The following SLC2A5 variants were observed in gnomAD, a reference collection of about 807,000 sequenced individuals.
SLC2A5 encodes the protein solute carrier family 2, facilitated glucose transporter member 5.
A neutral mutation model predicts 50.3 loss-of-function variants in SLC2A5; 56 were observed. The ratio of observed to expected loss-of-function variants is 1.11; its 90% CI spans 0.90 to 1.39. The LOEUF is 1.39. Ranked by LOEUF, SLC2A5 falls within the 40% of genes most tolerant of loss-of-function variation. SLC2A5 has a pLI of 0.00. For synonymous variants in SLC2A5, 269 were observed against 281.9 expected, an observed-to-expected ratio of 0.95 and a Z score of 0.46; for missense variants, 566 against 650.1, an observed-to-expected ratio of 0.87 and a Z score of 1.41.
chr1:9,094,058 A>G, the SLC2A5 span, among the ~76,000 whole-genome samples: 4 of 152,216 alleles, frequency 2.6e-5, no homozygotes, highest in African/African-American at 2.4e-5. Flanking sequence ...ACAAGCCTCA[A>G]TTTGCTTTTC....
Position 9,041,766 on chromosome 1 carries a change from C to T in SLC2A5, c.571+19G>A, listed in dbSNP as rs375043845. ...AGTGGTGAAGGGGTGGGGGTGCTCC[C>T]GAGATGTCCTGAACTCACCATCTAC... is the stretch of plus-strand genomic sequence containing the variant. On this transcript the variant is annotated intron_variant, in intron 5 of 11. Coordinates refer to ENST00000377424, the MANE Select transcript of SLC2A5 (RefSeq NM_003039.3). The T allele has an allele frequency of 9.2e-5, 148 of 1,613,862 alleles. No individual in the cohort carries two copies. The highest frequency in any genetic ancestry group is 8.2e-5 in the Non-Finnish European group (97 of 1,179,998).
At chr1:9,055,378 G>A (rs1439167094) in intron 3 of SLC2A5, among the ~76,000 whole-genome samples, 1 of 152,068 alleles carries the variant, frequency 6.6e-6, no homozygotes, top group African/African-American at 2.4e-5. Flanking sequence ...TTAGCTGGGT[G>A]TGGTGGCATG....
intron 3 of SLC2A5, among the ~76,000 whole-genome samples, chr1:9,055,857 A>C (rs530183511): frequency 6.6e-6 from 1 of 152,150 alleles, no homozygotes; most frequent in Admixed American, 6.6e-5. Context: ...TGGAGGTTGC[A>C]GTGAGCCAAT....
At position 9,041,752 on chromosome 1, in the gene SLC2A5, G is replaced by A. The variant is rs774229460; in HGVS notation, c.571+33C>T. 30 of 1,613,930 alleles carry A rather than the reference G, an allele frequency of 1.9e-5. No individual in the cohort carries two copies. The South Asian group carries it at 2.7e-4, about 15-fold the overall frequency. On this transcript the variant is annotated intron_variant, in intron 5 of 11. Coordinates refer to ENST00000377424, the MANE Select transcript of SLC2A5 (RefSeq NM_003039.3). ...AGGGGGCCAAGGGTAGTGGTGAAGG[G>A]GTGGGGGTGCTCCCGAGATGTCCTG...
At chr1:9,056,892 C>T (rs953021983) in intron 3 of SLC2A5, among the ~76,000 whole-genome samples, 1 of 152,116 alleles carries the variant, frequency 6.6e-6, no homozygotes, top group Non-Finnish European at 1.5e-5. Context: ...CGGGTCTGCC[C>T]GAGGGCCTGT....
At position 9,037,744 on chromosome 1, in the gene SLC2A5, G is replaced by C; in HGVS notation, c.1348C>G (p.Leu450Val). Residue 450 changes from leucine to valine, a missense_variant, in exon 12 of 12, where the codon CTC (leucine) becomes GTC (valine). Leu to Val is a conservative substitution (Grantham distance 32, BLOSUM62 1). Transcript: ENST00000377424. ...AAGAAGATGTAGATGGTGGTGAGGA[G>C]GCAGATCACGGCGAAGACAATGAAG... is the stretch of plus-strand genomic sequence containing the variant. ...YSFIVFAVIC[L>V]LTTIYIFLIV... 1 of 1,614,196 alleles carries C rather than the reference G, an allele frequency of 6.2e-7. No individual in the cohort carries two copies. Among genetic ancestry groups the C allele is most frequent in the Non-Finnish European group, 8.5e-7 (1 of 1,180,044 alleles).
Position 9,035,153 on chromosome 1 carries a change from C to T in SLC2A5, c.*2433G>A, listed in dbSNP as rs1382297789. 2.6e-5 allele frequency: 4 copies of T among 152,178 alleles called. No homozygotes were observed. Among genetic ancestry groups the T allele is most frequent in the African/African-American group, 9.7e-5 (4 of 41,428 alleles). The allele number at this position is 152,178 out of a possible 1,614,324, so 9.4% of individuals were successfully genotyped here. A position where few individuals can be genotyped will look rare whatever the true frequency, so the allele number is the denominator to read the frequency against. On this transcript the variant is annotated 3_prime_UTR_variant, in exon 12 of 12. Transcript: ENST00000377424. ...CATGTGAGACATTTACTATTAGTGC[C>T]ATTTAACAGAAGAGAAGACTGAGAT...
At chr1:9,049,410 C>T (rs141413486) in intron 3 of SLC2A5, among the ~76,000 whole-genome samples, 23 of 152,310 alleles carry the variant, frequency 1.5e-4, no homozygotes, top group African/African-American at 5.5e-4. Flanking sequence ...GTAATCAAGA[C>T]AGCGTGGTAC....
At chr1:9,092,106 C>A (rs1445197382), upstream of SLC2A5, among the ~76,000 whole-genome samples, 2 of 152,210 alleles carry the variant, frequency 1.3e-5, no homozygotes, top group African/African-American at 4.8e-5. Flanking sequence ...TTGCAGTTAT[C>A]CATTGCAACG....
rs962757537 is a variant in SLC2A5, at chr1:9,068,962, G to C, written c.33+542C>G. On this transcript the variant is annotated intron_variant, in intron 1 of 11. Coordinates refer to ENST00000377424, the MANE Select transcript of SLC2A5 (RefSeq NM_003039.3). ...AATCTAGAAAGTAAACTGCAATTAC[G>C]TTGCAGGAGTCCATGAAAATCTTTC... Among the ~76,000 whole-genome samples the C allele has an allele frequency of 1.3e-5, 2 of 152,098 alleles. 1 individual carries two copies. The highest frequency in any genetic ancestry group is 4.8e-5 in the African/African-American group (2 of 41,412).
chr1:9,039,034 A>C (rs1641219102), intron 8 of SLC2A5, 105 bp from the exon 9 acceptor site: 1 of 1,295,956 alleles, frequency 7.7e-7, no homozygotes, highest in African/African-American at 1.5e-5. Flanking sequence ...CCGGGTGCCC[A>C]CCCATGTGCA....
At chr1:9,070,072 G>GTTTTTTTTTTT (rs56828280), upstream of SLC2A5, among the ~76,000 whole-genome samples, 63 of 62,514 alleles carry the variant, frequency 1.0e-3, 7 homozygotes, top group African/African-American at 5.2e-3. Flanking sequence ...CTCATTTTCT[G>GTTTTTTTTTTT]TTTTTTTTTT....
intron 2 of SLC2A5, among the ~76,000 whole-genome samples, chr1:9,081,851 G>A (rs971550108): frequency 6.6e-6 from 1 of 152,174 alleles, no homozygotes; most frequent in Non-Finnish European, 1.5e-5. Flanking sequence ...GGGAGCTGAG[G>A]TGGGTGGATC....
At chr1:9,039,198 G>C (rs933713072) in intron 8 of SLC2A5, among the ~76,000 whole-genome samples, 1 of 152,202 alleles carries the variant, frequency 6.6e-6, no homozygotes, top group Non-Finnish European at 1.5e-5. Flanking sequence ...TCCTGCCCTC[G>C]GGAGGCCAGA....
intron 3 of SLC2A5, among the ~76,000 whole-genome samples, chr1:9,053,144 T>C (rs1379379716): frequency 1.5e-5 from 1 of 66,224 alleles, no homozygotes; most frequent in Non-Finnish European, 2.8e-5. Context: ...TATTTATATG[T>C]TAATATATAT....
intron 2 of SLC2A5, among the ~76,000 whole-genome samples, chr1:9,078,618 A>G (rs1642318664): frequency 6.6e-6 from 1 of 152,228 alleles, no homozygotes; most frequent in African/African-American, 2.4e-5. Flanking sequence ...TAAAGAAGAG[A>G]CAGTTCTTTA....
intron 3 of SLC2A5, among the ~76,000 whole-genome samples, chr1:9,053,055 A>ATAATATATATTATATATTTATATAT (rs1362696548): frequency 1.2e-4 from 11 of 94,772 alleles, no homozygotes; most frequent in Non-Finnish European, 2.3e-4. Flanking sequence ...ATATTAATAT[A>ATAATATATATTATATATTTATATAT]TAATATATAT....
At chr1:9,038,554 G>A (rs1194221926) in intron 9 of SLC2A5, 48 bp from the exon 10 acceptor site, 33 of 1,520,944 alleles carry the variant, frequency 2.2e-5, no homozygotes, top group East Asian at 6.8e-5. Context: ...AAGCTAGGAC[G>A]GGACCCCAGG....
chr1:9,039,992 G>A lies in SLC2A5; in HGVS notation c.698-5C>T. On this transcript the variant is annotated splice_region_variant and splice_polypyrimidine_tract_variant and intron_variant, in intron 6 of 11. Transcript: ENST00000377424. ...AGCCGCGCAGCGTCTGTAGGGCTGG[G>A]GAGAAGCGGCACCGTCGGACCAGGG... 2.5e-6 allele frequency: 4 copies of A among 1,604,140 alleles called. No individual in the cohort carries two copies. Among genetic ancestry groups the A allele is most frequent in the Non-Finnish European group, 3.4e-6 (4 of 1,173,368 alleles).
Sources: allele counts gnomAD v4.1 joint callset (sites outside exome capture counted in the v4.1 genomes callset), GRCh38; gene constraint gnomAD v4.1.1; transcripts MANE v1.5; gene names NCBI Gene and HGNC (gene_info 2026-07-23, HGNC 2026-07-21).